CNTN1: variants seen among roughly 807,000 people sequenced by gnomAD.
The protein encoded by CNTN1 is contactin-1.
Under a neutral mutation model 126.4 loss-of-function variants are expected in CNTN1, and 38 were observed. The ratio of observed to expected loss-of-function variants is 0.30; its 90% confidence interval spans 0.23 to 0.39. CNTN1 has a LOEUF of 0.39. Among genes scored for constraint, CNTN1 ranks in the 10% least tolerant of loss-of-function variants. The pLI, the probability that CNTN1 is intolerant of heterozygous loss-of-function variation, is 1.00. For missense variants in CNTN1, 1,009 were observed against 1,248.4 expected (o/e 0.81, Z 2.89); for synonymous variants, 413 against 422.6 (o/e 0.98, Z 0.28).
intron 19 of CNTN1, among the ~76,000 whole-genome samples, chr12:41,018,398 C>A (rs1054850139): frequency 6.6e-6 from 1 of 151,922 alleles, no homozygotes; most frequent in Admixed American, 6.6e-5. Context: ...GAAATTCTCA[C>A]GTATATTCAT....
intron 1 of CNTN1, among the ~76,000 whole-genome samples, chr12:40,869,453 G>A (rs939387665): frequency 1.1e-4 from 17 of 151,914 alleles, no homozygotes; most frequent in African/African-American, 3.9e-4. Flanking sequence ...ATTTTTTGTA[G>A]AGACAAGTGT....
At chr12:41,053,902 T>C (rs552176662) in intron 23 of CNTN1, among the ~76,000 whole-genome samples, 1 of 151,910 alleles carries the variant, frequency 6.6e-6, no homozygotes, top group East Asian at 1.9e-4. Context: ...TCTATTGTCT[T>C]CTTGTTCTTT....
intron 14 of CNTN1, among the ~76,000 whole-genome samples, chr12:40,954,717 G>T (rs1946811475): frequency 2.0e-5 from 3 of 152,004 alleles, no homozygotes; most frequent in Admixed American, 2.0e-4. Context: ...CATGGGTACA[G>T]CTTCTTACAG....
chr12:40,754,908 A>G (rs1938539922), intron 1 of CNTN1, among the ~76,000 whole-genome samples: 1 of 152,048 alleles, frequency 6.6e-6, no homozygotes, highest in Non-Finnish European at 1.5e-5. Flanking sequence ...CTATACATTT[A>G]AAAAAATTTC....
At chr12:40,815,874 T>G (rs1430148179) in intron 1 of CNTN1, among the ~76,000 whole-genome samples, 1 of 152,252 alleles carries the variant, frequency 6.6e-6, no homozygotes, top group African/African-American at 2.4e-5. Flanking sequence ...TGTTGAATTT[T>G]ATCAAAGGCC....
chr12:40,707,227 C>CTTTTCTTTTTTTTTTTT (rs1941782316), intron 1 of CNTN1, among the ~76,000 whole-genome samples: 1 of 109,166 alleles, frequency 9.2e-6, no homozygotes, highest in African/African-American at 3.8e-5. Context: ...TTTTCTTTTT[C>CTTTTCTTTTTTTTTTTT]TTTTTTTTTT....
chr12:40,932,084 A>C (rs1945906245), intron 7 of CNTN1, among the ~76,000 whole-genome samples: 1 of 151,860 alleles, frequency 6.6e-6, no homozygotes, highest in African/African-American at 2.4e-5. Context: ...AAGGTCTTCC[A>C]CTTAAACCAA....
chr12:40,817,692 GT>G (rs1446464877), intron 1 of CNTN1, among the ~76,000 whole-genome samples: 2 of 151,810 alleles, frequency 1.3e-5, no homozygotes, highest in African/African-American at 4.8e-5. Context: ...TTATGTGCGA[GT>G]TTGATCCTAT....
At chr12:41,037,117 C>G (rs982576411) in intron 23 of CNTN1, among the ~76,000 whole-genome samples, 12 of 151,940 alleles carry the variant, frequency 7.9e-5, no homozygotes, top group Admixed American at 7.9e-4. Flanking sequence ...CTTTTCCTGC[C>G]ATATTTGTGT....
At position 40,973,928 on chromosome 12, in the gene CNTN1, TATTG is replaced by T. The variant is rs376738496; in HGVS notation, c.1805-6977_1805-6974del. On this transcript the variant is annotated intron_variant, in intron 15 of 23. Transcript: ENST00000551295. Reference sequence around the variant, plus strand: ...ATTTATCAAAAAAATGAATCTTGATTATTGATTAAGAAAATATGGTCAGCTTACT... The same window carrying T: ...ATTTATCAAAAAAATGAATCTTGATTATTAAGAAAATATGGTCAGCTTACT... Among the ~76,000 whole-genome samples the T allele has an allele frequency of 2.5e-3, 384 of 152,276 alleles. 1 individual carries two copies. The highest frequency in any genetic ancestry group is 8.6e-3 in the African/African-American group (358 of 41,566).
intron 1 of CNTN1, among the ~76,000 whole-genome samples, chr12:40,855,789 T>C (rs548957608): frequency 2.6e-5 from 4 of 152,166 alleles, no homozygotes; most frequent in South Asian, 2.1e-4. Flanking sequence ...AGAATGTTAC[T>C]TATTGCCAAA....
chr12:41,032,666 T>C (rs1453218475), intron 23 of CNTN1, among the ~76,000 whole-genome samples: 1 of 152,256 alleles, frequency 6.6e-6, no homozygotes, highest in Non-Finnish European at 1.5e-5. Flanking sequence ...AAAAGCTCTA[T>C]ATATGGCCAG....
At chr12:40,882,889 C>T (rs1198247963) in intron 1 of CNTN1, among the ~76,000 whole-genome samples, 1 of 151,418 alleles carries the variant, frequency 6.6e-6, no homozygotes, top group East Asian at 1.9e-4. Context: ...TTGATTTTTA[C>T]ATTTTAGCTT....
chr12:41,011,203 C>T lies in CNTN1; in HGVS notation c.2114-3025C>T, dbSNP rs115781428. Among the ~76,000 whole-genome samples, 329 of 152,266 alleles carry T rather than the reference C, an allele frequency of 2.2e-3. 1 individual carries two copies. Among genetic ancestry groups the T allele is most frequent in the African/African-American group, 7.2e-3 (301 of 41,554 alleles). On this transcript the variant is annotated intron_variant, in intron 17 of 23. Transcript: ENST00000551295. ...GGGAACTTGAGGTGACCCCAAATAA[C>T]GGGGATTCTCAGATGGCTCCTCTGG...
chr12:40,873,641 A>T (rs1943577795), intron 1 of CNTN1, among the ~76,000 whole-genome samples: 1 of 152,192 alleles, frequency 6.6e-6, no homozygotes, highest in African/African-American at 2.4e-5. Flanking sequence ...ATGTTTTTGC[A>T]GTCCATGATA....
At chr12:40,754,117 A>G (rs1938508353) in intron 1 of CNTN1, among the ~76,000 whole-genome samples, 1 of 152,118 alleles carries the variant, frequency 6.6e-6, no homozygotes, top group South Asian at 2.1e-4. Flanking sequence ...GTGTGTGCAT[A>G]TACACATATA....
chr12:40,980,825 G>T, intron 15 of CNTN1, 84 bp from the exon 16 acceptor site: 11 of 1,258,318 alleles, frequency 8.7e-6, no homozygotes, highest in Non-Finnish European at 1.3e-5. Flanking sequence ...TTAGATTAAT[G>T]GTTAGAAGAC....
chr12:41,011,694 G>T (rs7132734), intron 17 of CNTN1, among the ~76,000 whole-genome samples: 15,432 of 152,230 alleles, frequency 0.1, 890 homozygotes, highest in Non-Finnish European at 0.13. Flanking sequence ...TCTTGGGAAA[G>T]ACTATGTAAC....
chr12:40,972,923 G>A (rs1047938730), intron 15 of CNTN1, among the ~76,000 whole-genome samples: 2 of 151,964 alleles, frequency 1.3e-5, no homozygotes, highest in African/African-American at 4.8e-5. Flanking sequence ...ACAATGTGCA[G>A]GTTAGTTACA....
Sources: gnomAD v4.1 joint callset for allele counts (sites outside exome capture counted in the v4.1 genomes callset) on GRCh38, gnomAD v4.1.1 for gene constraint, MANE v1.5 for transcripts, NCBI Gene and HGNC (gene_info 2026-07-23, HGNC 2026-07-21) for gene names.